TBX3: variants seen among roughly 807,000 people sequenced by gnomAD.
TBX3 encodes T-box transcription factor 3.
In TBX3, 11 loss-of-function variants were observed where a neutral mutation model predicts 47.8. The observed-to-expected ratio is 0.23, with a 90% CI of 0.14 to 0.38. TBX3 has a LOEUF of 0.38. Ranked by LOEUF, TBX3 falls within the 10% of genes least tolerant of loss-of-function variation. The probability of loss-of-function intolerance (pLI) is 1.00; values close to 1 mark genes in which losing one functional copy is unlikely to be tolerated. For missense variants in TBX3, 927 were observed against 1,022.8 expected, an observed-to-expected ratio of 0.91 and a Z score of 1.28; for synonymous variants, 500 against 449.3, an observed-to-expected ratio of 1.11 and a Z score of -1.43.
chr12:114,678,020 T>TCACACACA (rs3068592), intron 3 of TBX3, among the ~76,000 whole-genome samples: 2,142 of 144,220 alleles, frequency 0.015, 30 homozygotes, highest in Admixed American at 0.02. Context: ...CATACTCCCT[T>TCACACACA]CACACACACA....
At position 114,684,144 on chromosome 12, in the gene TBX3, C is replaced by T. The variant is rs1869097857; in HGVS notation, c.-944G>A. On this transcript the variant is annotated 5_prime_UTR_variant, in exon 1 of 7. Coordinates refer to ENST00000349155, the MANE Select transcript of TBX3 (RefSeq NM_005996.4). ...AGAGAAAGCGAGAGCTCCTCGCCACCCTCCGCCGCCTCTAGAATTCACCGG... is the reference window on the plus strand; with the variant it reads ...AGAGAAAGCGAGAGCTCCTCGCCACTCTCCGCCGCCTCTAGAATTCACCGG... 8.7e-6 allele frequency: 2 copies of T among 230,324 alleles called. No homozygotes were observed. Among genetic ancestry groups the T allele is most frequent in the Admixed American group, 1.1e-4 (2 of 17,616 alleles). The allele number at this position is 230,324 out of a possible 1,614,324, so 14.3% of individuals were successfully genotyped here. A position where few individuals can be genotyped will look rare whatever the true frequency, so the allele number is the denominator to read the frequency against.
At chr12:114,680,639 GA>G in intron 2 of TBX3, 1 of 619,442 alleles carries the variant, frequency 1.6e-6, no homozygotes, top group Non-Finnish European at 2.8e-6. Context: ...ATCTACCAAA[GA>G]GCTGGAATTG....
In TBX3 at chr12:114,674,212, C is replaced by T. The variant is rs1156821376; in HGVS notation, c.1663G>A (p.Ala555Thr). Residue 555 changes from alanine (A) to threonine (T), a missense_variant, in exon 6 of 7, where the codon GCG becomes ACG. By Grantham distance (58) the Ala-to-Thr change is moderately conservative. Coordinates refer to ENST00000349155, the MANE Select transcript of TBX3 (RefSeq NM_005996.4). ...TGGAGGTGGAAGGGCAGGGTGGCCG[C>T]GGACGCCCCGGACAGTCCCTGCGCC... ...AAAQGLSGAS[A>T]ATLPFHLQQH... 2 of 1,578,218 alleles carry T rather than the reference C, an allele frequency of 1.3e-6. No individual in the cohort carries two copies. Among genetic ancestry groups the T allele is most frequent in the East Asian group, 2.3e-5 (1 of 43,850 alleles).
rs772441761 is a variant in TBX3 at position 114,682,861 on chromosome 12, C to T, written c.340G>A (p.Asp114Asn). The T allele has an allele frequency of 6.2e-7, 1 of 1,614,150 alleles. No homozygotes were observed. Among genetic ancestry groups the T allele is most frequent in the Non-Finnish European group, 8.5e-7 (1 of 1,180,022 alleles). The change falls in exon 1 of 7, where the codon GAT (aspartate) becomes AAT (asparagine). Residue 114 changes from aspartate to asparagine, a missense_variant. Transcript: ENST00000349155. ...KVHLEAKELWDQFHKRGTEMV... is the reference protein window; with the variant it reads ...KVHLEAKELWNQFHKRGTEMV... ...TCGGTGCCCCGCTTGTGAAACTGAT[C>T]CCAAAGTTCTTTAGCCTCCAGGTGC...
Position 114,672,261 on chromosome 12 carries a change from G to A in TBX3, c.1752C>T (p.Pro584=). The change falls in exon 7 of 7, where the codon CCC becomes CCT. Residue 584 remains proline (P), a synonymous_variant. Coordinates refer to ENST00000349155, the MANE Select transcript of TBX3 (RefSeq NM_005996.4). ...CCGCCGCTGCGGCCATGTACGTGTA[G>A]GGGTAAGGGAACAGGCTTCCGAAAG... The part of the protein sequence containing the change: ...MSPFGSLFPY[P]YTYMAAAAAA... 6.3e-7 allele frequency: 1 copy of A among 1,577,160 alleles called. No individual in the cohort carries two copies.
At chr12:114,680,073 G>A in intron 2 of TBX3, 1 of 1,206,662 alleles carries the variant, frequency 8.3e-7, no homozygotes. Context: ...GCCCTGAAAG[G>A]CTGAACTCTA....
intron 4 of TBX3, among the ~76,000 whole-genome samples, chr12:114,676,935 T>C (rs1868735605): frequency 6.6e-6 from 1 of 152,248 alleles, no homozygotes; most frequent in Non-Finnish European, 1.5e-5. Context: ...GGTTATTTCA[T>C]GCTGCACTTT....
Position 114,674,803 on chromosome 12 carries a change from C to A in TBX3, c.1072G>T (p.Glu358Ter). Residue 358 changes from glutamate to a stop codon, truncating the protein, a stop_gained, in exon 6 of 7, where the codon GAG becomes TAG. Transcript: ENST00000349155. LOFTEE classifies it high-confidence loss of function. ...CCATGCTCCTCTTTGCTCTCGGCCT[C>A]GGCGTCGCTCTCACCCTCGCTGGGA... ...LCPSEGESDAEAESKEEHGPE... is the reference protein window; with the variant it reads ...LCPSEGESDA 1 of 1,579,580 alleles carries A rather than the reference C, an allele frequency of 6.3e-7. No individual in the cohort carries two copies. The highest frequency in any genetic ancestry group is 1.3e-5 in the African/African-American group (1 of 74,854).
chr12:114,674,166 T>G lies in TBX3; in HGVS notation c.1709A>C (p.Gln570Pro). The G allele has an allele frequency of 6.3e-7, 1 of 1,582,000 alleles. No individual in the cohort carries two copies. Among genetic ancestry groups the G allele is most frequent in the South Asian group, 1.2e-5 (1 of 86,104 alleles). Residue 570 changes from glutamine (Q) to proline (P), a missense_variant and splice_region_variant, in exon 6 of 7, where the codon CAG (glutamine) becomes CCG (proline). Gln to Pro is a moderately conservative substitution (Grantham distance 76). Transcript: ENST00000349155. Reference protein sequence around the residue: ...FHLQQHVLASQGLAMSPFGSL... With the variant: ...FHLQQHVLASPGLAMSPFGSL... Reference sequence around the variant, plus strand: ...GGAGGCAGGAAGAAGGATCCATACCTGAGAGGCCAGGACGTGCTGCTGGAG... The same window carrying G: ...GGAGGCAGGAAGAAGGATCCATACCGGAGAGGCCAGGACGTGCTGCTGGAG...
At position 114,671,309 on chromosome 12, in the gene TBX3, T is replaced by A; in HGVS notation, c.*532A>T. 1 of 240,226 alleles carries A rather than the reference T, an allele frequency of 4.2e-6. No homozygotes were observed. Among genetic ancestry groups the A allele is most frequent in the East Asian group, 5.9e-5 (1 of 16,848 alleles). 14.9% of individuals were successfully genotyped at this position (240,226 alleles called of 1,614,324 possible). A position where few individuals can be genotyped will look rare whatever the true frequency, so the allele number is the denominator to read the frequency against. On this transcript the variant is annotated 3_prime_UTR_variant, in exon 7 of 7. Transcript: ENST00000349155. ...AGACTAAACAAGGATGGTAGGGACT[T>A]CCCTCCCCAAACAAAGCTGCTCAGT... is the stretch of plus-strand genomic sequence containing the variant.
At position 114,671,499 on chromosome 12, in the gene TBX3, G is replaced by A; in HGVS notation, c.*342C>T. 4.7e-6 allele frequency: 2 copies of A among 427,960 alleles called. No individual in the cohort carries two copies. Among genetic ancestry groups the A allele is most frequent in the Non-Finnish European group, 4.2e-6 (1 of 235,822 alleles). 26.5% of individuals were successfully genotyped at this position (427,960 alleles called of 1,614,324 possible). On this transcript the variant is annotated 3_prime_UTR_variant, in exon 7 of 7. Coordinates refer to ENST00000349155, the MANE Select transcript of TBX3 (RefSeq NM_005996.4). ...ATATATATATAAATCCGCACTGAGG[G>A]AGATGTCTTTGAACACCTCCCCGCC...
At position 114,679,559 on chromosome 12, in the gene TBX3, T is replaced by C; in HGVS notation, c.750A>G (p.Thr250=). ...ILKLPYSTFR[T]YLFPETEFIA... The stretch of plus-strand genomic sequence containing the variant: ...TGAATTCAGTTTCGGGGAACAAGTA[T>C]GTCCGAAATGTACTATAAGGGAGTT... The change falls in exon 3 of 7, where the codon ACA becomes ACG. Residue 250 remains threonine (T), a synonymous_variant. Transcript: ENST00000349155. The C allele has an allele frequency of 6.2e-7, 1 of 1,614,238 alleles. No individual in the cohort carries two copies. The highest frequency in any genetic ancestry group is 8.5e-7 in the Non-Finnish European group (1 of 1,180,050).
Position 114,671,439 on chromosome 12 carries a change from T to G in TBX3, c.*402A>C. ...GTCCCGATTTTTTTTTTGAAAGATT[T>G]TGTTTTTGTTTCCACTTGACACAGT... On this transcript the variant is annotated 3_prime_UTR_variant, in exon 7 of 7. Transcript: ENST00000349155. 3.5e-6 allele frequency: 1 copy of G among 289,818 alleles called. No individual in the cohort carries two copies. Among genetic ancestry groups the G allele is most frequent in the Non-Finnish European group, 6.5e-6 (1 of 153,302 alleles). 18.0% of individuals were successfully genotyped at this position (289,818 alleles called of 1,614,324 possible).
At chr12:114,672,448 G>C (rs11067230) in intron 6 of TBX3, 146 bp from the exon 7 acceptor site, 2 of 611,984 alleles carry the variant, frequency 3.3e-6, no homozygotes, top group African/African-American at 4.1e-5. Context: ...TTTTTTTTTT[G>C]GGGGGGGAGA....
Position 114,682,960 on chromosome 12 carries a change from GGGA to G in TBX3, c.238_240del (p.Ser80del), listed in dbSNP as rs771452017. On this transcript the variant is annotated inframe_deletion, in exon 1 of 7. Coordinates refer to ENST00000349155, the MANE Select transcript of TBX3 (RefSeq NM_005996.4). ...GGCCTCAGATGCGCCTGGGGCCCCA[GGGA>G]GGAGAACGGGATGCCGGTCTCGGCC... is the stretch of plus-strand genomic sequence containing the variant. 5 of 1,614,202 alleles carry G rather than the reference GGGA, an allele frequency of 3.1e-6. No homozygotes were observed. Among genetic ancestry groups the G allele is most frequent in the Non-Finnish European group, 4.2e-6 (5 of 1,180,058 alleles).
In TBX3 at chr12:114,670,953, CTTTA is replaced by C. The variant is rs963277263; in HGVS notation, c.*884_*887del. 2.4e-5 allele frequency: 5 copies of C among 210,804 alleles called. No homozygotes were observed. The highest frequency in any genetic ancestry group is 1.8e-4 in the Admixed American group (3 of 16,934). 13.1% of individuals were successfully genotyped at this position (210,804 alleles called of 1,614,324 possible). A position where few individuals can be genotyped will look rare whatever the true frequency, so the allele number is the denominator to read the frequency against. On this transcript the variant is annotated 3_prime_UTR_variant, in exon 7 of 7. Transcript: ENST00000349155. ...AATACTTTGTCTAATAGTCTCACTT[CTTTA>C]TTATTTTTTTAAAACCTTGTTATTG...
chr12:114,674,335 T>C lies in TBX3; in HGVS notation c.1540A>G (p.Met514Val), dbSNP rs200948009. 1.9e-5 allele frequency: 29 copies of C among 1,564,650 alleles called. No homozygotes were observed. In the East Asian group the frequency reaches 5.7e-4, roughly 31 times the overall value. Residue 514 changes from methionine to valine, a missense_variant, in exon 6 of 7, where the codon ATG becomes GTG. Around this residue, in one of 5 missense-constraint regions of TBX3, gnomAD observed 623 missense variants for 569.0 expected, o/e 1.09. Transcript: ENST00000349155. The part of the protein sequence containing the change: ...QFAMGGAFSS[M>V]AAAGMGPLLA... ...AGGGGACCCATGCCAGCGGCCGCCA[T>C]GCTGGAGAAGGCGCCCCCCATGGCA...
In TBX3 at chr12:114,683,193, AG is replaced by A. The variant is rs1296640660; in HGVS notation, c.7del (p.Leu3SerfsTer3). 5 of 1,609,684 alleles carry A rather than the reference AG, an allele frequency of 3.1e-6. No individual in the cohort carries two copies. Among genetic ancestry groups the A allele is most frequent in the African/African-American group, 1.3e-5 (1 of 74,834 alleles). On this transcript the variant is annotated frameshift_variant, in exon 1 of 7. Coordinates refer to ENST00000349155, the MANE Select transcript of TBX3 (RefSeq NM_005996.4). LOFTEE classifies it high-confidence loss of function. This position sits in a 1 kb window ranked among gnomAD's most constrained non-coding sequence, Gnocchi z 7.7. MS[L>X]SMRDPVIPGT... is the part of the protein sequence containing the mutation. ...AGGAATGACCGGATCTCTCATGGAG[AG>A]GCTCATCCACTCCAGGCGGGGCGCT...
rs951396136 is a variant in TBX3 at position 114,674,655 on chromosome 12, C to T, written c.1220G>A (p.Arg407Gln). 5 of 1,607,318 alleles carry T rather than the reference C, an allele frequency of 3.1e-6. No homozygotes were observed. The East Asian group carries it at 8.9e-5, about 29-fold the overall frequency. ...FAAERPRDSG[R>Q]LDKASPDSRH... ...TGAGTCGGGCGACGCTTTGTCCAGC[C>T]GCCCGCTGTCCCGGGGCCGCTCAGC... The change falls in exon 6 of 7, where the codon CGG (arginine) becomes CAG (glutamine). Residue 407 changes from arginine (R) to glutamine (Q), a missense_variant. Arg to Gln is a conservative substitution (Grantham distance 43). Around this residue, in one of 5 missense-constraint regions of TBX3, gnomAD observed 623 missense variants for 569.0 expected, o/e 1.09. Transcript: ENST00000349155.
Sources: allele counts gnomAD v4.1 joint callset (sites outside exome capture counted in the v4.1 genomes callset), GRCh38; gene constraint gnomAD v4.1.1; regional missense constraint gnomAD v4.1.1; non-coding constraint Gnocchi (gnomAD v3.1); transcripts MANE v1.5; gene names NCBI Gene and HGNC (gene_info 2026-07-23, HGNC 2026-07-21).